SLC9A3: variants seen among roughly 807,000 people sequenced by gnomAD.
The protein encoded by SLC9A3 is sodium/hydrogen exchanger 3.
In SLC9A3, 37 loss-of-function variants were observed where a neutral mutation model predicts 86.8. That is an observed-to-expected ratio of 0.43 (90% confidence interval 0.33 to 0.56). The LOEUF is 0.56. Ranked by LOEUF, SLC9A3 falls within the 20% of genes least tolerant of loss-of-function variation. SLC9A3 has a pLI of 0.06. For missense variants in SLC9A3, 1,011 were observed against 1,171.9 expected (o/e 0.86, Z 2.00); for synonymous variants, 581 against 528.3 (o/e 1.10, Z -1.37).
At position 476,182 on chromosome 5, in the gene SLC9A3, T is replaced by G. The variant is rs1337540897; in HGVS notation, c.2067+20A>C. On this transcript the variant is annotated intron_variant, in intron 13 of 16. Transcript: ENST00000264938. ...CTCCAGGCCCCAGCCCCGCCAAGCC[T>G]CCTGGTGACCCAGCCTTACCCGCTT... 8 of 1,612,694 alleles carry G rather than the reference T, an allele frequency of 5.0e-6. No individual in the cohort carries two copies. The highest frequency in any genetic ancestry group is 4.4e-5 in the South Asian group (4 of 91,048).
Position 472,978 on chromosome 5 carries a change from C to T in SLC9A3, c.*401G>A, listed in dbSNP as rs986301719. ...CGCCGGCGGCGTCACAGCGGCGTCT[C>T]CTCCTGCTCCAGCGCGTGCGGCGGT... On this transcript the variant is annotated 3_prime_UTR_variant, in exon 17 of 17. Transcript: ENST00000264938. 29 of 515,274 alleles carry T rather than the reference C, an allele frequency of 5.6e-5. No individual in the cohort carries two copies. The highest frequency in any genetic ancestry group is 7.8e-4 in the Middle Eastern group (2 of 2,572). The allele number at this position is 515,274 out of a possible 1,614,324, so 31.9% of individuals were successfully genotyped here.
chr5:474,811 G>A (rs1738606213), intron 16 of SLC9A3, 72 bp downstream of exon 16: 1 of 796,732 alleles, frequency 1.3e-6, no homozygotes, highest in African/African-American at 4.2e-5. Context: ...GAGACAGCGC[G>A]CGCGAGGCGG....
At chr5:488,635 C>T (rs1032525043) in intron 2 of SLC9A3, among the ~76,000 whole-genome samples, 159 bp from the exon 3 acceptor site, 3 of 152,258 alleles carry the variant, frequency 2.0e-5, no homozygotes, top group African/African-American at 7.2e-5. Flanking sequence ...TCCCACAGAC[C>T]CCCAGCCCCC....
chr5:482,146 G>C lies in SLC9A3; in HGVS notation c.1368C>G (p.Ile456Met). 6.2e-7 allele frequency: 1 copy of C among 1,610,154 alleles called. No homozygotes were observed. Among genetic ancestry groups the C allele is most frequent in the Non-Finnish European group, 8.5e-7 (1 of 1,178,538 alleles). ...CCTTCAGCCACTGCACCAGAGGCTT[G>C]ATGGTCAGGCCCTGGAGGACAGGGT... ...FFTVIFQGLT[I>M]KPLVQWLKVK... The change falls in exon 8 of 17, where the codon ATC (isoleucine) becomes ATG (methionine). Residue 456 changes from isoleucine (I) to methionine (M), a missense_variant. By Grantham distance (10) the Ile-to-Met change is conservative. Transcript: ENST00000264938.
chr5:500,555 A>AC (rs1376424737), intron 1 of SLC9A3, among the ~76,000 whole-genome samples: 260 of 135,060 alleles, frequency 1.9e-3, no homozygotes, highest in African/African-American at 7.1e-3. Context: ...GCTGGTGTGG[A>AC]TGGGTCAGTG....
Position 476,250 on chromosome 5 carries a change from C to G in SLC9A3, c.2019G>C (p.Gln673His), listed in dbSNP as rs201562112. 1 of 1,613,980 alleles carries G rather than the reference C, an allele frequency of 6.2e-7. No individual in the cohort carries two copies. Among genetic ancestry groups the G allele is most frequent in the Non-Finnish European group, 8.5e-7 (1 of 1,179,994 alleles). The change falls in exon 13 of 17, where the codon CAG becomes CAC. Residue 673 changes from glutamine (Q) to histidine (H), a missense_variant. By Grantham distance (24) the Gln-to-His change is conservative. Transcript: ENST00000264938. Reference sequence around the variant, plus strand: ...TGTACAGCTTGGCCGCCTTCTTGTTCTGGTTGAGCCCCAGCTTGGTCGACT... The same window carrying G: ...TGTACAGCTTGGCCGCCTTCTTGTTGTGGTTGAGCCCCAGCTTGGTCGACT... ...SFKSTKLGLN[Q>H]NKKAAKLYKR...
intron 1 of SLC9A3, among the ~76,000 whole-genome samples, chr5:503,472 G>A (rs1191679345): frequency 1.3e-5 from 2 of 152,230 alleles, no homozygotes. Flanking sequence ...TGGGCGGGTT[G>A]AGGCTGCACC....
At chr5:473,872 G>C (rs1738543931) in intron 16 of SLC9A3, among the ~76,000 whole-genome samples, 1 of 152,236 alleles carries the variant, frequency 6.6e-6, no homozygotes, top group Non-Finnish European at 1.5e-5. Flanking sequence ...TCGGGGACCC[G>C]GGGCGTCTGT....
intron 3 of SLC9A3, among the ~76,000 whole-genome samples, chr5:486,339 GC>G (rs1316820570): frequency 2.0e-5 from 3 of 152,356 alleles, no homozygotes; most frequent in African/African-American, 7.2e-5. Context: ...CTCTGCACGT[GC>G]CCCTCGGATG....
chr5:508,026 C>T (rs1339389525), intron 1 of SLC9A3, among the ~76,000 whole-genome samples: 5 of 152,158 alleles, frequency 3.3e-5, no homozygotes, highest in African/African-American at 2.4e-5. Context: ...CACCCAAATG[C>T]CCACCCACAC....
At chr5:505,342 A>G (rs1188135952) in intron 1 of SLC9A3, among the ~76,000 whole-genome samples, 7 of 4,558 alleles carry the variant, frequency 1.5e-3, no homozygotes, top group South Asian at 0.011. Context: ...GAGTGACTGT[A>G]GGGGGGTGGG....
In SLC9A3 at chr5:501,396, C is replaced by T. The variant is rs866615245; in HGVS notation, c.212-9325G>A. Among the ~76,000 whole-genome samples the T allele has an allele frequency of 3.9e-5, 6 of 152,202 alleles. No homozygotes were observed. The South Asian group carries it at 6.2e-4, about 16-fold the overall frequency. ...GTTTTACTTTAACAGGAACACGTCCCGGAGGATTAAACTCTGCCTCCCAGA... is the reference window on the plus strand; with the variant it reads ...GTTTTACTTTAACAGGAACACGTCCTGGAGGATTAAACTCTGCCTCCCAGA... On this transcript the variant is annotated intron_variant, in intron 1 of 16. Transcript: ENST00000264938.
rs11746373 is a variant in SLC9A3, at chr5:491,711, G to A, written c.514+58C>T. The stretch of plus-strand genomic sequence containing the variant: ...CCCGACCTTTCTGAGATGAGGCAGC[G>A]CCGCCCCTCCCGGACCCCACCCTGA... On this transcript the variant is annotated intron_variant, in intron 2 of 16. Coordinates refer to ENST00000264938, the MANE Select transcript of SLC9A3 (RefSeq NM_004174.4). The surrounding 1 kb of genome is among the most constrained non-coding windows in gnomAD (Gnocchi z 9.2). The A allele has an allele frequency of 1.7e-5, 24 of 1,420,790 alleles. No homozygotes were observed. The African/African-American group carries it at 2.9e-4, about 17-fold the overall frequency. 88.0% of individuals were successfully genotyped at this position (1,420,790 alleles called of 1,614,324 possible).
intron 1 of SLC9A3, among the ~76,000 whole-genome samples, chr5:522,236 C>T (rs760691275): frequency 3.9e-5 from 6 of 152,220 alleles, no homozygotes; most frequent in Non-Finnish European, 7.3e-5. Flanking sequence ...GCAGCCTCCC[C>T]GCCCTCAAGG....
At chr5:509,816 G>A (rs897826817) in intron 1 of SLC9A3, among the ~76,000 whole-genome samples, 1 of 152,204 alleles carries the variant, frequency 6.6e-6, no homozygotes, top group Admixed American at 6.5e-5. Flanking sequence ...TCGCATGGAT[G>A]CCAGAAGAAG....
At chr5:482,446 C>A (rs1739248975) in intron 7 of SLC9A3, 102 bp downstream of exon 7, 1 of 996,052 alleles carries the variant, frequency 1.0e-6, no homozygotes, top group South Asian at 1.6e-5. Context: ...TTATGAAACC[C>A]AATTAGGGTC....
At position 476,334 on chromosome 5, in the gene SLC9A3, G is replaced by A. The variant is rs558562725; in HGVS notation, c.1935C>T (p.Asp645=). The A allele has an allele frequency of 1.9e-5, 31 of 1,613,910 alleles. No homozygotes were observed. The highest frequency in any genetic ancestry group is 2.2e-5 in the East Asian group (1 of 44,874). The part of the protein sequence containing the change: ...YSRHELTPTE[D]EKQDREIFHR... ...GGAAGATTTCCCGGTCCTGTTTCTC[G>A]TCCTCCGTGGGCGTGAGCTCGTGTC... The change falls in exon 13 of 17, where the codon GAC becomes GAT. Residue 645 remains aspartate, a synonymous_variant. Transcript: ENST00000264938.
Position 488,418 on chromosome 5 carries a change from C to T in SLC9A3, c.573G>A (p.Val191=). 6.2e-7 allele frequency: 1 copy of T among 1,604,468 alleles called. No homozygotes were observed. Among genetic ancestry groups the T allele is most frequent in the Non-Finnish European group, 8.5e-7 (1 of 1,175,162 alleles). Residue 191 remains valine (V), a synonymous_variant, in exon 3 of 17, where the codon GTG becomes GTA. Transcript: ENST00000264938. ...FLLFGSLMAA[V]DPVAVLAVFE... The stretch of plus-strand genomic sequence containing the variant: ...ACACGGCCAGGACGGCCACCGGGTC[C>T]ACAGCCGCCATGAGGCTGCCAAACA...
intron 1 of SLC9A3, among the ~76,000 whole-genome samples, chr5:511,656 T>C (rs115067809): frequency 0.016 from 2,447 of 152,380 alleles, 66 homozygotes; most frequent in African/African-American, 0.053. Flanking sequence ...CTGGCGAGGA[T>C]GTGGCCACAG....
Sources: gnomAD v4.1 joint callset for allele counts (sites outside exome capture counted in the v4.1 genomes callset) on GRCh38, gnomAD v4.1.1 for gene constraint, Gnocchi (gnomAD v3.1) non-coding constraint, MANE v1.5 for transcripts, NCBI Gene and HGNC (gene_info 2026-07-23, HGNC 2026-07-21) for gene names.